Variants in DAZL observed in about 807,000 individuals in gnomAD.
DAZL encodes the protein deleted in azoospermia-like.
A neutral mutation model predicts 45.0 loss-of-function variants in DAZL; 4 were observed. The observed-to-expected ratio is 0.09, with a 90% confidence interval of 0.04 to 0.20. The LOEUF (loss-of-function observed/expected upper bound fraction) is 0.20. Ranked by LOEUF, DAZL falls within the 10% of genes least tolerant of loss-of-function variation. The pLI is 1.00. For synonymous variants in DAZL, 122 were observed against 112.4 expected (o/e 1.09, Z -0.54); for missense variants, 326 against 351.3 (o/e 0.93, Z 0.58).
chr3:16,592,041 T>C lies in DAZL; in HGVS notation c.834+9A>G, dbSNP rs759471614. The C allele has an allele frequency of 2.2e-5, 35 of 1,610,030 alleles. No homozygotes were observed. The highest frequency in any genetic ancestry group is 6.7e-5 in the Admixed American group (4 of 59,954). Reference sequence around the variant, plus strand: ...GCTTTTTAATTGTGCGTAACTGTTATATTCATACCTTGAAGTAGTCATCTT... The same window carrying C: ...GCTTTTTAATTGTGCGTAACTGTTACATTCATACCTTGAAGTAGTCATCTT... On this transcript the variant is annotated intron_variant, in intron 10 of 10. Coordinates refer to ENST00000399444, the MANE Select transcript of DAZL (RefSeq NM_001351.4).
chr3:16,602,333 G>A (rs1469994863), intron 1 of DAZL, among the ~76,000 whole-genome samples: 3 of 152,042 alleles, frequency 2.0e-5, no homozygotes, highest in Non-Finnish European at 4.4e-5. Flanking sequence ...AAACAATCTT[G>A]AGAAAAAACA....
chr3:16,593,955 A>C (rs1278259008), intron 8 of DAZL, among the ~76,000 whole-genome samples, 187 bp from the exon 9 acceptor site: 1 of 152,218 alleles, frequency 6.6e-6, no homozygotes, highest in Non-Finnish European at 1.5e-5. Context: ...CTTCTGTTTT[A>C]GAATGTCTTT....
chr3:16,604,761 G>A (rs899441812), intron 1 of DAZL: 1 of 1,360,050 alleles, frequency 7.4e-7, no homozygotes, highest in Non-Finnish European at 9.4e-7. Flanking sequence ...CGCCAGAAAT[G>A]AGGCTGGCGG....
At chr3:16,597,891 G>A (rs1297240523) in intron 3 of DAZL, among the ~76,000 whole-genome samples, 196 bp downstream of exon 3, 1 of 152,132 alleles carries the variant, frequency 6.6e-6, no homozygotes, top group African/African-American at 2.4e-5. Context: ...TCATTTGTAT[G>A]AAATAAAGAT....
At position 16,598,444 on chromosome 3, in the gene DAZL, T is replaced by C. The variant is rs369534020; in HGVS notation, c.150+8A>G. On this transcript the variant is annotated splice_region_variant and intron_variant, in intron 2 of 10. Coordinates refer to ENST00000399444, the MANE Select transcript of DAZL (RefSeq NM_001351.4). The stretch of plus-strand genomic sequence containing the variant: ...TTTCAAGGTAAAAATGAGGTATGAA[T>C]ACAATACCCTAACATCAATTCCTCC... 1.2e-6 allele frequency: 2 copies of C among 1,606,466 alleles called. No homozygotes were observed. Among genetic ancestry groups the C allele is most frequent in the Non-Finnish European group, 8.5e-7 (1 of 1,176,262 alleles).
intron 8 of DAZL, 63 bp downstream of exon 8, chr3:16,594,470 T>C (rs1694566901): frequency 2.1e-5 from 26 of 1,220,366 alleles, no homozygotes; most frequent in Admixed American, 9.4e-5. Context: ...TCAAGAAATA[T>C]AGTTAAACAA....
Position 16,596,990 on chromosome 3 carries a change from A to G in DAZL, c.356T>C (p.Leu119Ser), listed in dbSNP as rs577126424. ...GAACAATTTCTTTTTGTACTCACAT[A>G]AATTTTGTTTCCTGATTGCAGGGCC... ...KLGPAIRKQN[L>S]CAYHVQPRPL... is the part of the protein sequence containing the mutation. The change falls in exon 5 of 11, where the codon TTA (leucine) becomes TCA (serine). Residue 119 changes from leucine to serine, a missense_variant and splice_region_variant. Around this residue, in one of 3 missense-constraint regions of DAZL, gnomAD observed 227 missense variants for 216.6 expected, o/e 1.05. Transcript: ENST00000399444. 3 of 1,612,912 alleles carry G rather than the reference A, an allele frequency of 1.9e-6. No homozygotes were observed. Among genetic ancestry groups the G allele is most frequent in the African/African-American group, 1.3e-5 (1 of 75,018 alleles).
chr3:16,597,427 T>C, intron 4 of DAZL, 63 bp downstream of exon 4: 2 of 1,069,614 alleles, frequency 1.9e-6, no homozygotes, highest in Admixed American at 1.7e-5. Context: ...AGACTGAGTA[T>C]ATCACTTGAC....
In DAZL at chr3:16,591,988, A is replaced by G. The variant is rs1575415996; in HGVS notation, c.834+62T>C. The G allele has an allele frequency of 2.6e-6, 4 of 1,547,198 alleles. No homozygotes were observed. The East Asian group carries it at 6.8e-5, about 26-fold the overall frequency. ...TCTCAAAATACATATACCACAAGGA[A>G]AACAGATACTTTAAAGCTAACAAGT... On this transcript the variant is annotated intron_variant, in intron 10 of 10. Transcript: ENST00000399444.
chr3:16,600,875 T>G (rs950590975), intron 1 of DAZL, among the ~76,000 whole-genome samples: 1 of 152,202 alleles, frequency 6.6e-6, no homozygotes, highest in Admixed American at 6.5e-5. Flanking sequence ...GATTCTCAAC[T>G]GGGGAAGATT....
In DAZL at chr3:16,598,198, T is replaced by C. The variant is rs770654284; in HGVS notation, c.151-20A>G. 1.3e-6 allele frequency: 2 copies of C among 1,563,418 alleles called. No homozygotes were observed. The highest frequency in any genetic ancestry group is 2.2e-5 in the South Asian group (2 of 89,982). The stretch of plus-strand genomic sequence containing the variant: ...ATCCATCTATGGAAAAGAATTGAAC[T>C]TCAAGAGTAAAAATTCAGCATTCAA... On this transcript the variant is annotated intron_variant, in intron 2 of 10. Coordinates refer to ENST00000399444, the MANE Select transcript of DAZL (RefSeq NM_001351.4).
chr3:16,594,686 TTTG>T (rs1694570726), intron 7 of DAZL, 103 bp from the exon 8 acceptor site: 2 of 681,486 alleles, frequency 2.9e-6, no homozygotes, highest in Non-Finnish European at 4.7e-6. Context: ...TGCTGGCTCC[TTTG>T]TTGTTATAAT....
In DAZL at chr3:16,605,193, C is replaced by G. The variant is rs150308411; in HGVS notation, c.3+10G>C. ...CCAGCCTTGCCCCTCGGGCCTCTCC[C>G]TCAACTCACCATGATGGCGGCAGGC... On this transcript the variant is annotated intron_variant, in intron 1 of 10. Transcript: ENST00000399444. 1.9e-6 allele frequency: 3 copies of G among 1,614,200 alleles called. No individual in the cohort carries two copies. Among genetic ancestry groups the G allele is most frequent in the Non-Finnish European group, 2.5e-6 (3 of 1,180,008 alleles).
At chr3:16,588,791 C>G in intron 10 of DAZL, 78 bp from the exon 11 acceptor site, 1 of 1,153,538 alleles carries the variant, frequency 8.7e-7, no homozygotes, top group East Asian at 2.4e-5. Context: ...TTGTCAAAAA[C>G]TTAAACCATT....
chr3:16,594,340 G>A (rs1214123517), intron 8 of DAZL, among the ~76,000 whole-genome samples, 193 bp downstream of exon 8: 4 of 151,994 alleles, frequency 2.6e-5, no homozygotes, highest in Non-Finnish European at 5.9e-5. Flanking sequence ...AAACCTGAGA[G>A]AAGAAGGCAC....
chr3:16,598,598 A>C lies in DAZL; in HGVS notation c.4T>G (p.Ser2Ala). The stretch of plus-strand genomic sequence containing the variant: ...TTTGGAGTTTCAGGATTTGCAGTAG[A>C]CTGTAATTTGGAAAGTAGACATCAT... M[S>A]TANPETPNST... Residue 2 changes from serine to alanine, a missense_variant and splice_region_variant, in exon 2 of 11, where the codon TCT becomes GCT. This residue lies in a region of DAZL where 81 missense variants were observed against 89.6 expected (regional missense o/e 0.90). Transcript: ENST00000399444. 1 of 1,594,444 alleles carries C rather than the reference A, an allele frequency of 6.3e-7. No individual in the cohort carries two copies. The highest frequency in any genetic ancestry group is 1.7e-4 in the Middle Eastern group (1 of 6,014).
At chr3:16,604,866 C>G in intron 1 of DAZL, 1 of 710,650 alleles carries the variant, frequency 1.4e-6, no homozygotes, top group Non-Finnish European at 2.2e-6. Context: ...GGGTGGGGAA[C>G]CCGCACCCCA....
chr3:16,590,739 C>T (rs1292738945), intron 10 of DAZL, among the ~76,000 whole-genome samples: 6 of 152,076 alleles, frequency 3.9e-5, no homozygotes, highest in African/African-American at 1.2e-4. Context: ...AAATATTATG[C>T]TGACTGAAAA....
intron 1 of DAZL, among the ~76,000 whole-genome samples, chr3:16,600,037 G>C (rs1446642815): frequency 6.6e-6 from 1 of 151,744 alleles, no homozygotes; most frequent in Non-Finnish European, 1.5e-5. Context: ...TACTATTTTA[G>C]CTGACTTATC....
Sources: allele counts gnomAD v4.1 joint callset (sites outside exome capture counted in the v4.1 genomes callset), GRCh38; gene constraint gnomAD v4.1.1; regional missense constraint gnomAD v4.1.1; transcripts MANE v1.5; gene names NCBI Gene and HGNC (gene_info 2026-07-23, HGNC 2026-07-21).